Variants in SFXN5 observed in about 807,000 individuals in gnomAD.
SFXN5 encodes sideroflexin-5.
Under a neutral mutation model 50.2 loss-of-function variants are expected in SFXN5, and 43 were observed. That is an observed-to-expected ratio of 0.86 (90% CI 0.67 to 1.11). The LOEUF (loss-of-function observed/expected upper bound fraction) is 1.11, where lower values mean the gene tolerates loss of function less well. SFXN5 is among the 50% of genes least tolerant of loss of function. The pLI is 0.00. For missense variants in SFXN5, 463 were observed against 454.1 expected (o/e 1.02, Z -0.18); for synonymous variants, 203 against 185.8 (o/e 1.09, Z -0.75).
intron 1 of SFXN5, among the ~76,000 whole-genome samples, chr2:73,065,694 G>A (rs896253043): frequency 6.6e-6 from 1 of 152,076 alleles, no homozygotes; most frequent in Non-Finnish European, 1.5e-5. Flanking sequence ...ACTGTGCCTG[G>A]CCATGTGGGG....
intron 2 of SFXN5, chr2:73,058,286 T>C (rs1278508478): frequency 4.7e-6 from 2 of 425,892 alleles, no homozygotes; most frequent in African/African-American, 3.9e-5. Flanking sequence ...AAAGGGTTGT[T>C]GTGAGATCCA....
At chr2:72,985,532 T>C (rs960091200) in intron 10 of SFXN5, among the ~76,000 whole-genome samples, 3 of 121,622 alleles carry the variant, frequency 2.5e-5, no homozygotes, top group Non-Finnish European at 4.7e-5. Flanking sequence ...ATGAGAGCGA[T>C]GGACATAGGG....
At chr2:72,987,701 G>C (rs976461042) in intron 10 of SFXN5, among the ~76,000 whole-genome samples, 3 of 152,110 alleles carry the variant, frequency 2.0e-5, no homozygotes, top group Non-Finnish European at 4.4e-5. Flanking sequence ...GTTGCAGTGA[G>C]CCGAGATTGC....
Position 73,039,776 on chromosome 2 carries a change from CTATTTTATTT to C in SFXN5, c.249+1068_249+1077del, listed in dbSNP as rs56382816. 1.4e-3 allele frequency among the ~76,000 whole-genome samples: 203 copies of C among 145,658 alleles called. 1 individual carries two copies. The highest frequency in any genetic ancestry group is 4.0e-3 in the African/African-American group (159 of 39,716). ...CATATACTATTTTTCCTTACAAGCA[CTATTTTATTT>C]TATTTTATTTTATTTTATTTTATTT... is the stretch of plus-strand genomic sequence containing the variant. On this transcript the variant is annotated intron_variant, in intron 3 of 13. Coordinates refer to ENST00000272433, the MANE Select transcript of SFXN5 (RefSeq NM_144579.3).
rs1016819484 is a variant in SFXN5, at chr2:72,953,104, C to A, written c.946-8005G>T. Reference sequence around the variant, plus strand: ...TTGCGTGCACGTGTATGTGTGCGAGCCTGTGTGCACGCGCAGGTTTGGGGT... The same window carrying A: ...TTGCGTGCACGTGTATGTGTGCGAGACTGTGTGCACGCGCAGGTTTGGGGT... On this transcript the variant is annotated intron_variant, in intron 13 of 13. Coordinates refer to ENST00000272433, the MANE Select transcript of SFXN5 (RefSeq NM_144579.3). This position sits in a 1 kb window ranked among gnomAD's most constrained non-coding sequence, Gnocchi z 4.1. 6.6e-6 allele frequency among the ~76,000 whole-genome samples: 1 copy of A among 152,152 alleles called. No homozygotes were observed. The highest frequency in any genetic ancestry group is 6.5e-5 in the Admixed American group (1 of 15,282).
At chr2:72,965,733 C>T (rs1374357541) in intron 12 of SFXN5, among the ~76,000 whole-genome samples, 2 of 152,158 alleles carry the variant, frequency 1.3e-5, no homozygotes, top group Non-Finnish European at 2.9e-5. Context: ...CTCCCAAAGC[C>T]AAGTTTAAGC....
chr2:73,001,539 T>C lies in SFXN5; in HGVS notation c.397A>G (p.Thr133Ala), dbSNP rs745432281. 2 of 1,614,082 alleles carry C rather than the reference T, an allele frequency of 1.2e-6. No individual in the cohort carries two copies. Among genetic ancestry groups the C allele is most frequent in the Admixed American group, 3.3e-5 (2 of 60,012 alleles). The change falls in exon 7 of 14, where the codon ACT becomes GCT. Residue 133 changes from threonine to alanine, a missense_variant. Transcript: ENST00000272433. The part of the protein sequence containing the change: ...LLLPNQTLAS[T>A]VFWQWLNQSH... Reference sequence around the variant, plus strand: ...GAGACTGTTACCTGCCAGAAGACAGTGGATGCCAGTGTCTGGTTGGGCAAG... The same window carrying C: ...GAGACTGTTACCTGCCAGAAGACAGCGGATGCCAGTGTCTGGTTGGGCAAG...
intron 6 of SFXN5, among the ~76,000 whole-genome samples, chr2:73,016,074 C>A (rs887800511): frequency 1.3e-5 from 2 of 151,934 alleles, no homozygotes; most frequent in Non-Finnish European, 2.9e-5. Context: ...GCATTCTGAT[C>A]TTTTATTCTG....
chr2:73,000,605 A>C, intron 7 of SFXN5, 118 bp from the exon 8 acceptor site: 1 of 947,872 alleles, frequency 1.1e-6, no homozygotes, highest in Non-Finnish European at 1.6e-6. Context: ...TCCAGCTCAC[A>C]TGGTGCCGCC....
intron 3 of SFXN5, among the ~76,000 whole-genome samples, chr2:73,039,216 C>T (rs1358100196): frequency 1.3e-5 from 2 of 152,228 alleles, no homozygotes; most frequent in African/African-American, 2.4e-5. Flanking sequence ...GCATGAGCCA[C>T]CACGCCTGGC....
At chr2:73,019,153 A>G (rs1316715091) in intron 6 of SFXN5, among the ~76,000 whole-genome samples, 1 of 152,246 alleles carries the variant, frequency 6.6e-6, no homozygotes, top group Non-Finnish European at 1.5e-5. Flanking sequence ...AAATCTCACA[A>G]TGTGGAGTAA....
chr2:73,060,764 C>G (rs571419391), intron 1 of SFXN5, among the ~76,000 whole-genome samples: 1 of 150,552 alleles, frequency 6.6e-6, no homozygotes, highest in East Asian at 2.0e-4. Context: ...TGCAGTGGCA[C>G]GATCTCAGCT....
chr2:72,961,371 T>C lies in SFXN5; in HGVS notation c.828-123A>G, dbSNP rs1673723112. ...AAGCGTGGTTCCGGGGCAGTGCCAGTGTGCAGCTAAACAGATATAGCAGAG... is the reference window on the plus strand; with the variant it reads ...AAGCGTGGTTCCGGGGCAGTGCCAGCGTGCAGCTAAACAGATATAGCAGAG... On this transcript the variant is annotated intron_variant, in intron 12 of 13. Transcript: ENST00000272433. This position sits in a 1 kb window ranked among gnomAD's most constrained non-coding sequence, Gnocchi z 4.4. The C allele has an allele frequency of 1.7e-6, 1 of 587,850 alleles. No homozygotes were observed. Among genetic ancestry groups the C allele is most frequent in the Non-Finnish European group, 2.9e-6 (1 of 349,034 alleles). 36.4% of individuals were successfully genotyped at this position (587,850 alleles called of 1,614,324 possible).
intron 12 of SFXN5, among the ~76,000 whole-genome samples, chr2:72,963,490 C>A (rs1452477993): frequency 6.6e-6 from 1 of 151,666 alleles, no homozygotes; most frequent in Non-Finnish European, 1.5e-5. Context: ...GCCTCGGAAG[C>A]CCCAGCCCAG....
chr2:73,053,720 G>C (rs1681698942), intron 2 of SFXN5, among the ~76,000 whole-genome samples: 2 of 152,170 alleles, frequency 1.3e-5, no homozygotes, highest in Admixed American at 1.3e-4. Flanking sequence ...CAGGTCACCA[G>C]ATGGCTCAAG....
intron 6 of SFXN5, among the ~76,000 whole-genome samples, chr2:73,014,342 AT>A (rs1209744948): frequency 6.6e-6 from 1 of 152,100 alleles, no homozygotes; most frequent in Non-Finnish European, 1.5e-5. Context: ...TTCTCCACTG[AT>A]TTGTAATGCC....
In SFXN5 at chr2:72,950,971, G is replaced by A. The variant is rs1672467619; in HGVS notation, c.946-5872C>T. 6.6e-6 allele frequency among the ~76,000 whole-genome samples: 1 copy of A among 152,196 alleles called. No individual in the cohort carries two copies. The highest frequency in any genetic ancestry group is 2.4e-5 in the African/African-American group (1 of 41,450). Reference sequence around the variant, plus strand: ...CAGCTCGGGGCGGGCTGGAATCCGTGGGCCCATCATCTCTTCCATCTGGTA... The same window carrying A: ...CAGCTCGGGGCGGGCTGGAATCCGTAGGCCCATCATCTCTTCCATCTGGTA... On this transcript the variant is annotated intron_variant, in intron 13 of 13. Transcript: ENST00000272433. This position sits in a 1 kb window ranked among gnomAD's most constrained non-coding sequence, Gnocchi z 4.2.
At position 72,961,627 on chromosome 2, in the gene SFXN5, C is replaced by A. The variant is rs553801088; in HGVS notation, c.828-379G>T. 1.3e-5 allele frequency among the ~76,000 whole-genome samples: 2 copies of A among 152,228 alleles called. No homozygotes were observed. Among genetic ancestry groups the A allele is most frequent in the African/African-American group, 2.4e-5 (1 of 41,532 alleles). ...CTGTTCCTGGGGAGACACATAGGGA[C>A]GTAAGATCGCTCTCGAGGGCAGCAC... is the stretch of plus-strand genomic sequence containing the variant. On this transcript the variant is annotated intron_variant, in intron 12 of 13. Transcript: ENST00000272433. This position sits in a 1 kb window ranked among gnomAD's most constrained non-coding sequence, Gnocchi z 4.4.
At chr2:72,947,180 C>T (rs866504266) in intron 13 of SFXN5, among the ~76,000 whole-genome samples, 45 of 152,334 alleles carry the variant, frequency 3.0e-4, no homozygotes, top group African/African-American at 8.2e-4. Context: ...CCTGAGGCAG[C>T]GGACGTGCGG....
Sources: allele counts gnomAD v4.1 joint callset (sites outside exome capture counted in the v4.1 genomes callset), GRCh38; gene constraint gnomAD v4.1.1; non-coding constraint Gnocchi (gnomAD v3.1); transcripts MANE v1.5; gene names NCBI Gene and HGNC (gene_info 2026-07-23, HGNC 2026-07-21).